Variants in IL15 observed in about 807,000 individuals in gnomAD.
IL15 encodes the protein interleukin-15.
Under a neutral mutation model 19.6 loss-of-function variants are expected in IL15, and 11 were observed. The ratio of observed to expected loss-of-function variants is 0.56; its 90% CI spans 0.35 to 0.93. The LOEUF (loss-of-function observed/expected upper bound fraction) is 0.93. IL15 is among the 40% of genes least tolerant of loss of function. The pLI, the probability that IL15 is intolerant of heterozygous loss-of-function variation, is 0.01. For missense variants in IL15, 197 were observed against 186.5 expected, an observed-to-expected ratio of 1.06 and a Z score of -0.33; for synonymous variants, 58 against 59.6, an observed-to-expected ratio of 0.97 and a Z score of 0.12.
At chr4:141,647,561 G>A (rs1197893755) in intron 1 of IL15, among the ~76,000 whole-genome samples, 1 of 151,986 alleles carries the variant, frequency 6.6e-6, no homozygotes, top group African/African-American at 2.4e-5. Context: ...ACTGAGCTAA[G>A]CACCCTGAAA....
At chr4:141,648,677 C>G (rs778535655) in intron 1 of IL15, among the ~76,000 whole-genome samples, 1 of 152,018 alleles carries the variant, frequency 6.6e-6, no homozygotes, top group South Asian at 2.1e-4. Flanking sequence ...AGATTCTACT[C>G]CTGAAAAGCA....
At chr4:141,638,359 A>G (rs2152148147) in intron 1 of IL15, among the ~76,000 whole-genome samples, 1 of 152,326 alleles carries the variant, frequency 6.6e-6, no homozygotes, top group South Asian at 2.1e-4. Flanking sequence ...ATTTTAGTCA[A>G]TCAGAAAAGT....
At chr4:141,719,310 C>T (rs1493012) in intron 2 of IL15, 56 bp from the exon 3 acceptor site, 321,046 of 525,828 alleles carry the variant, frequency 0.61, 101,313 homozygotes, top group East Asian at 0.94. Flanking sequence ...TAATTCCCTC[C>T]CTTTCTTTTT....
intron 2 of IL15, among the ~76,000 whole-genome samples, chr4:141,682,891 G>T (rs1018216677): frequency 2.0e-5 from 3 of 152,066 alleles, no homozygotes; most frequent in African/African-American, 7.2e-5. Context: ...GGCAGAGTCT[G>T]CAGTGAGCCG....
intron 2 of IL15, among the ~76,000 whole-genome samples, chr4:141,669,816 A>G (rs1178758237): frequency 6.6e-6 from 1 of 151,392 alleles, no homozygotes; most frequent in Non-Finnish European, 1.5e-5. Context: ...TATATTTAAA[A>G]TGCAAAAATG....
At chr4:141,668,543 C>T (rs1476904373) in intron 2 of IL15, among the ~76,000 whole-genome samples, 1 of 152,216 alleles carries the variant, frequency 6.6e-6, no homozygotes, top group Non-Finnish European at 1.5e-5. Flanking sequence ...TGGTATCTGT[C>T]AGGAGTTTGG....
intron 6 of IL15, among the ~76,000 whole-genome samples, chr4:141,728,933 CTTAGATT>C (rs942252865): frequency 7.2e-5 from 11 of 152,052 alleles, no homozygotes; most frequent in East Asian, 5.8e-4. Flanking sequence ...GAGAAACAAC[CTTAGATT>C]TTAGATTTTA....
At chr4:141,713,440 A>G (rs1427188587) in intron 2 of IL15, among the ~76,000 whole-genome samples, 1 of 152,248 alleles carries the variant, frequency 6.6e-6, no homozygotes, top group Non-Finnish European at 1.5e-5. Context: ...TGTGTTGTCT[A>G]TAGCTGCTCT....
chr4:141,646,588 A>T (rs550876656), intron 1 of IL15, among the ~76,000 whole-genome samples: 6 of 152,150 alleles, frequency 3.9e-5, no homozygotes, highest in Admixed American at 2.6e-4. Context: ...TATTTTTCAG[A>T]TTTTGGAAAG....
At chr4:141,681,529 G>A (rs1013239128) in intron 2 of IL15, among the ~76,000 whole-genome samples, 1 of 151,962 alleles carries the variant, frequency 6.6e-6, no homozygotes, top group East Asian at 1.9e-4. Context: ...GCCATGAGTG[G>A]GAAAACAATT....
At chr4:141,727,172 T>C (rs2152192360) in intron 5 of IL15, among the ~76,000 whole-genome samples, 1 of 152,188 alleles carries the variant, frequency 6.6e-6, no homozygotes, top group East Asian at 1.9e-4. Flanking sequence ...ACAACACAAA[T>C]AATGAGCCCT....
intron 4 of IL15, chr4:141,720,957 G>C: frequency 1.7e-6 from 1 of 577,206 alleles, no homozygotes; most frequent in Non-Finnish European, 3.0e-6. Context: ...CTTTATCCTA[G>C]TTCAGTTTAA....
At position 141,693,016 on chromosome 4, in the gene IL15, CA is replaced by C. The variant is rs70949131; in HGVS notation, c.-99-26324del. Among the ~76,000 whole-genome samples the C allele has an allele frequency of 7.7e-3, 178 of 23,224 alleles. 2 individuals are homozygous for C. The highest frequency in any genetic ancestry group is 0.067 in the Middle Eastern group (2 of 30). 15.2% of individuals were successfully genotyped at this position (23,224 alleles called of 152,430 possible). ...AGGGGAACAGAGCAAGACTCCGTCT[CA>C]AAAAAAAAAAAAAAAAAAAAAAAAA... On this transcript the variant is annotated intron_variant, in intron 2 of 7. Coordinates refer to ENST00000320650, the MANE Select transcript of IL15 (RefSeq NM_000585.5).
At chr4:141,731,547 G>A (rs796083674) in intron 7 of IL15, among the ~76,000 whole-genome samples, 82 of 152,300 alleles carry the variant, frequency 5.4e-4, no homozygotes, top group African/African-American at 2.0e-3. Flanking sequence ...TAATGTGAAT[G>A]TTGATAGTCA....
chr4:141,691,627 CCAA>C (rs948330288), intron 2 of IL15, among the ~76,000 whole-genome samples: 15 of 152,158 alleles, frequency 9.9e-5, no homozygotes, highest in Non-Finnish European at 7.3e-5. Context: ...AGTCCAAAAT[CCAA>C]CAGGGCAATC....
chr4:141,692,967 C>T (rs943208392), intron 2 of IL15, among the ~76,000 whole-genome samples: 13 of 140,538 alleles, frequency 9.3e-5, no homozygotes, highest in Admixed American at 1.6e-4. Context: ...ACTACCTGAG[C>T]GCCACTGCAC....
intron 2 of IL15, among the ~76,000 whole-genome samples, chr4:141,697,924 G>T (rs1729156817): frequency 1.3e-5 from 2 of 151,850 alleles, no homozygotes; most frequent in South Asian, 4.2e-4. Context: ...CAGTTCTCAG[G>T]GGGAATGCTC....
At chr4:141,720,799 T>C (rs1730050051) in intron 4 of IL15, 9 of 555,866 alleles carry the variant, frequency 1.6e-5, no homozygotes, top group Admixed American at 7.3e-5. Flanking sequence ...CTCAAATAAA[T>C]TGGGCCTTTT....
intron 1 of IL15, among the ~76,000 whole-genome samples, chr4:141,639,417 C>T (rs1726970159): frequency 6.6e-6 from 1 of 152,094 alleles, no homozygotes; most frequent in Non-Finnish European, 1.5e-5. Flanking sequence ...ATTTGAGTGT[C>T]AAATATGTGT....
Sources: allele counts gnomAD v4.1 joint callset (sites outside exome capture counted in the v4.1 genomes callset), GRCh38; gene constraint gnomAD v4.1.1; transcripts MANE v1.5; gene names NCBI Gene and HGNC (gene_info 2026-07-23, HGNC 2026-07-21).